The following TAB2 variants were observed in gnomAD, a reference collection of about 807,000 sequenced individuals.
TAB2 encodes TGF-beta-activated kinase 1 and MAP3K7-binding protein 2.
Under a neutral mutation model 65.0 loss-of-function variants are expected in TAB2, and 3 were observed. The ratio of observed to expected loss-of-function variants is 0.05; its 90% CI spans 0.02 to 0.12. TAB2 has a LOEUF of 0.12. TAB2 is among the 10% of genes least tolerant of loss of function. The pLI, the probability that TAB2 is intolerant of heterozygous loss-of-function variation, is 1.00. For missense variants in TAB2, 623 were observed against 840.3 expected (o/e 0.74, Z 3.20); for synonymous variants, 298 against 285.1 (o/e 1.05, Z -0.46).
intron 1 of TAB2, among the ~76,000 whole-genome samples, chr6:149,263,849 ATCTCTGTAGGCTGCCT>A: frequency 6.6e-6 from 1 of 152,312 alleles, no homozygotes; most frequent in East Asian, 1.9e-4. Flanking sequence ...ACAGGCTGCC[ATCTCTGTAGGCTGCCT>A]AGTAGGCAGG....
At chr6:149,315,206 G>A (rs971646967), upstream of TAB2, among the ~76,000 whole-genome samples, 2 of 152,072 alleles carry the variant, frequency 1.3e-5, no homozygotes, top group African/African-American at 4.8e-5. Flanking sequence ...AAGCTCTTGG[G>A]TTTTAAAAAC....
chr6:149,310,945 C>T (rs1779156750), intron 1 of TAB2, among the ~76,000 whole-genome samples: 1 of 152,146 alleles, frequency 6.6e-6, no homozygotes, highest in South Asian at 2.1e-4. Flanking sequence ...CTTCTCACTC[C>T]CTTTTATTGC....
At chr6:149,405,313 A>G (rs1782626741) in intron 6 of TAB2, among the ~76,000 whole-genome samples, 1 of 152,254 alleles carries the variant, frequency 6.6e-6, no homozygotes, top group South Asian at 2.1e-4. Flanking sequence ...GTACACTTTC[A>G]TGGGAATGTA....
At chr6:149,275,234 G>GAAAGAAAGAA (rs1554255826) in intron 1 of TAB2, among the ~76,000 whole-genome samples, 39 of 65,402 alleles carry the variant, frequency 6.0e-4, no homozygotes, top group African/African-American at 3.1e-3. Context: ...GGGAGAGAGA[G>GAAAGAAAGAA]AGAAAGAAAG....
intron 1 of TAB2, among the ~76,000 whole-genome samples, chr6:149,260,264 G>T (rs573453373): frequency 6.6e-6 from 1 of 152,210 alleles, no homozygotes; most frequent in Non-Finnish European, 1.5e-5. Context: ...GCAGGTAGCT[G>T]GCCAGGTGAC....
intron 1 of TAB2, among the ~76,000 whole-genome samples, chr6:149,297,221 C>T (rs1770633490): frequency 6.6e-6 from 1 of 152,154 alleles, no homozygotes; most frequent in African/African-American, 2.4e-5. Flanking sequence ...GGCCGTTCTT[C>T]TACACCCACA....
chr6:149,313,410 C>T (rs1176851590), upstream of TAB2, among the ~76,000 whole-genome samples: 1 of 152,164 alleles, frequency 6.6e-6, no homozygotes, highest in Non-Finnish European at 1.5e-5. Context: ...AGCTTGCTGA[C>T]CGTGCCTTCC....
At chr6:149,230,493 A>C (rs1317784986) in intron 1 of TAB2, among the ~76,000 whole-genome samples, 1 of 152,234 alleles carries the variant, frequency 6.6e-6, no homozygotes, top group Non-Finnish European at 1.5e-5. Flanking sequence ...AAGGCCAATA[A>C]ACTGATTTGG....
At chr6:149,380,125 A>T (rs1462619913) in intron 3 of TAB2, 4 of 297,736 alleles carry the variant, frequency 1.3e-5, no homozygotes, top group Admixed American at 9.4e-5. Context: ...CTGTAGTCCC[A>T]GTTACTCAGT....
chr6:149,311,152 C>G (rs1453909485), intron 1 of TAB2, among the ~76,000 whole-genome samples: 2 of 152,154 alleles, frequency 1.3e-5, no homozygotes, highest in Non-Finnish European at 1.5e-5. Flanking sequence ...ACATTGCTAC[C>G]TGCTTCGTCT....
rs150999965 is a variant in TAB2, at chr6:149,400,330, G to A, written c.1939+1146G>A. On this transcript the variant is annotated intron_variant, in intron 6 of 6. Transcript: ENST00000637181. ...TGCTCTTCCTGCTGCTCGTGTACTC[G>A]TTAGGTGCGGACCCGCCACCTCTTT... 18 of 1,558,394 alleles carry A rather than the reference G, an allele frequency of 1.2e-5. No individual in the cohort carries two copies. The East Asian group carries it at 1.8e-4, about 16-fold the overall frequency.
chr6:149,376,065 A>G (rs1328073723), intron 2 of TAB2, among the ~76,000 whole-genome samples: 1 of 152,048 alleles, frequency 6.6e-6, no homozygotes, highest in East Asian at 1.9e-4. Context: ...TTAAGTCTAA[A>G]ACTCTCCTTT....
At chr6:149,318,220 G>C (rs934358260) in intron 1 of TAB2, among the ~76,000 whole-genome samples, 7 of 151,882 alleles carry the variant, frequency 4.6e-5, no homozygotes, top group Non-Finnish European at 8.8e-5. Flanking sequence ...GAGTCCCCCA[G>C]TCCGGTGGGG....
intron 1 of TAB2, among the ~76,000 whole-genome samples, chr6:149,292,567 C>T (rs1269913419): frequency 6.6e-6 from 1 of 152,076 alleles, no homozygotes; most frequent in African/African-American, 2.4e-5. Context: ...AAGAACCAGT[C>T]GTTAAATTTT....
intron 1 of TAB2, among the ~76,000 whole-genome samples, chr6:149,325,334 G>T (rs967070895): frequency 6.6e-6 from 1 of 152,164 alleles, no homozygotes; most frequent in Non-Finnish European, 1.5e-5. Flanking sequence ...TAAGTAATTG[G>T]AAGTAATTTT....
At chr6:149,274,915 A>G (rs1047712702) in intron 1 of TAB2, among the ~76,000 whole-genome samples, 5 of 152,142 alleles carry the variant, frequency 3.3e-5, no homozygotes, top group Non-Finnish European at 7.3e-5. Flanking sequence ...AACCAGCTCC[A>G]GTGCCTTGGG....
chr6:149,236,752 C>T (rs1281788978), intron 1 of TAB2, among the ~76,000 whole-genome samples: 1 of 152,122 alleles, frequency 6.6e-6, no homozygotes, highest in African/African-American at 2.4e-5. Context: ...CTTCCCTAGG[C>T]TACTGTTATT....
chr6:149,284,953 G>A (rs1430452227), intron 1 of TAB2, among the ~76,000 whole-genome samples: 1 of 152,158 alleles, frequency 6.6e-6, no homozygotes, highest in African/African-American at 2.4e-5. Context: ...CAGCCTCGAG[G>A]ATGACAACCT....
At chr6:149,399,080 ATAT>A (rs1782276099) in intron 5 of TAB2, 21 bp from the exon 6 acceptor site, 1 of 1,581,508 alleles carries the variant, frequency 6.3e-7, no homozygotes, top group Non-Finnish European at 8.7e-7. Context: ...AAGCATTGAT[ATAT>A]TTACTTTTTA....
Sources: gnomAD v4.1 joint callset for allele counts (sites outside exome capture counted in the v4.1 genomes callset) on GRCh38, gnomAD v4.1.1 for gene constraint, MANE v1.5 for transcripts, NCBI Gene and HGNC (gene_info 2026-07-23, HGNC 2026-07-21) for gene names.